Variants in NLGN1 observed in about 807,000 individuals in gnomAD.
NLGN1 encodes neuroligin 1.
Under a neutral mutation model 65.5 loss-of-function variants are expected in NLGN1, and 12 were observed. The observed-to-expected ratio is 0.18, with a 90% CI of 0.12 to 0.30. NLGN1 has a LOEUF of 0.30. Among genes scored for constraint, NLGN1 ranks in the 10% least tolerant of loss-of-function variants. The pLI is 1.00. For missense variants in NLGN1, 750 were observed against 1,007.1 expected, an observed-to-expected ratio of 0.74 and a Z score of 3.46; for synonymous variants, 350 against 359.5, an observed-to-expected ratio of 0.97 and a Z score of 0.30.
intron 4 of NLGN1, among the ~76,000 whole-genome samples, chr3:173,812,179 C>T (rs1718081547): frequency 6.6e-6 from 1 of 152,102 alleles, no homozygotes; most frequent in East Asian, 1.9e-4. Flanking sequence ...ACCACCCGTC[C>T]ATGGAAAAAA....
intron 4 of NLGN1, among the ~76,000 whole-genome samples, chr3:174,016,462 C>G (rs76569339): frequency 6.6e-6 from 1 of 152,094 alleles, no homozygotes; most frequent in East Asian, 1.9e-4. Flanking sequence ...ATTATAATAA[C>G]CACAGGACAC....
At chr3:173,803,595 G>A (rs1486502355) in intron 3 of NLGN1, among the ~76,000 whole-genome samples, 1 of 152,052 alleles carries the variant, frequency 6.6e-6, no homozygotes, top group Non-Finnish European at 1.5e-5. Flanking sequence ...GCCGCAGAAT[G>A]AGATTCTGTC....
chr3:173,645,314 G>A (rs1279951254), intron 3 of NLGN1, among the ~76,000 whole-genome samples: 1 of 152,172 alleles, frequency 6.6e-6, no homozygotes, highest in Non-Finnish European at 1.5e-5. Flanking sequence ...TAGCTCCCTT[G>A]GCCTTTGGGG....
chr3:173,557,213 A>T (rs1387672278), intron 2 of NLGN1, among the ~76,000 whole-genome samples: 2 of 152,200 alleles, frequency 1.3e-5, no homozygotes, highest in South Asian at 2.1e-4. Context: ...ACGAAATGTT[A>T]CTTTTATCTC....
At chr3:173,953,485 A>T (rs901043335) in intron 4 of NLGN1, among the ~76,000 whole-genome samples, 13 of 152,212 alleles carry the variant, frequency 8.5e-5, no homozygotes, top group African/African-American at 2.9e-4. Flanking sequence ...TATCCTGATT[A>T]ATGGTAGACA....
intron 4 of NLGN1, among the ~76,000 whole-genome samples, chr3:174,180,200 A>G (rs111714093): frequency 5.3e-5 from 8 of 152,250 alleles, no homozygotes; most frequent in African/African-American, 1.9e-4. Context: ...TTTAGCCTAC[A>G]TTAGGGAGGT....
intron 4 of NLGN1, among the ~76,000 whole-genome samples, chr3:174,033,610 C>T (rs1397688737): frequency 1.3e-5 from 2 of 151,848 alleles, no homozygotes; most frequent in African/African-American, 4.8e-5. Flanking sequence ...AGTGAAATCT[C>T]TAAGAAAAAA....
chr3:173,552,918 T>C (rs1262611947), intron 2 of NLGN1, among the ~76,000 whole-genome samples: 3 of 152,222 alleles, frequency 2.0e-5, no homozygotes, highest in African/African-American at 7.2e-5. Context: ...AGAAATTCTA[T>C]TTAGATCCTG....
intron 3 of NLGN1, among the ~76,000 whole-genome samples, chr3:173,700,886 G>T (rs1332576353): frequency 6.6e-6 from 1 of 152,194 alleles, no homozygotes; most frequent in Non-Finnish European, 1.5e-5. Flanking sequence ...AGCACTTTGG[G>T]AGGCCGAGGC....
chr3:173,457,702 G>T (rs1490866592), intron 2 of NLGN1, among the ~76,000 whole-genome samples: 3 of 152,192 alleles, frequency 2.0e-5, no homozygotes, highest in Non-Finnish European at 2.9e-5. Flanking sequence ...TAGTGGCTTG[G>T]CCTAAAGTTG....
chr3:173,935,593 T>TAC (rs769538665), intron 4 of NLGN1, among the ~76,000 whole-genome samples: 4,624 of 142,646 alleles, frequency 0.032, 164 homozygotes, highest in African/African-American at 0.088. Context: ...ATATACAGTC[T>TAC]ACACACACAC....
rs149656319 is a variant in NLGN1, at chr3:173,693,317, C to T, written c.493+88226C>T. Among the ~76,000 whole-genome samples, 1,306 of 151,776 alleles carry T rather than the reference C, an allele frequency of 8.6e-3. 14 individuals carry two copies. The highest frequency in any genetic ancestry group is 0.03 in the African/African-American group (1,249 of 41,410). On this transcript the variant is annotated intron_variant, in intron 3 of 6. Transcript: ENST00000457714. ...AGGGACTGAAATAAAATTTACTTAC[C>T]AACTATGGAAAGCAAATACTATTAT...
At chr3:173,810,259 C>G (rs115140349) in intron 4 of NLGN1, among the ~76,000 whole-genome samples, 1 of 152,288 alleles carries the variant, frequency 6.6e-6, no homozygotes, top group Non-Finnish European at 1.5e-5. Context: ...GCTCATCGGA[C>G]AGAACTGCAA....
intron 4 of NLGN1, among the ~76,000 whole-genome samples, chr3:174,054,231 A>G (rs894982506): frequency 6.6e-6 from 1 of 152,054 alleles, no homozygotes; most frequent in Non-Finnish European, 1.5e-5. Flanking sequence ...AGCTCTGAGT[A>G]ACTAAAACAA....
chr3:173,584,040 C>T (rs953037878), intron 2 of NLGN1, among the ~76,000 whole-genome samples: 1 of 150,712 alleles, frequency 6.6e-6, no homozygotes, highest in Non-Finnish European at 1.5e-5. Flanking sequence ...GGCATTTTAG[C>T]TACTAACTGC....
intron 4 of NLGN1, among the ~76,000 whole-genome samples, chr3:174,081,163 C>G (rs746097960): frequency 6.6e-6 from 1 of 151,998 alleles, no homozygotes; most frequent in Non-Finnish European, 1.5e-5. Flanking sequence ...ATAACTTAGA[C>G]AAGAAAAAGT....
chr3:173,569,434 T>C (rs2149325416), intron 2 of NLGN1, among the ~76,000 whole-genome samples: 1 of 152,128 alleles, frequency 6.6e-6, no homozygotes, highest in African/African-American at 2.4e-5. Context: ...TCAAGTTCTA[T>C]CAAAAATCTT....
At chr3:174,000,523 A>T (rs1202424236) in intron 4 of NLGN1, among the ~76,000 whole-genome samples, 1 of 152,184 alleles carries the variant, frequency 6.6e-6, no homozygotes, top group Non-Finnish European at 1.5e-5. Context: ...AAAAGCAGTC[A>T]GTAGGTTTTA....
intron 2 of NLGN1, among the ~76,000 whole-genome samples, chr3:173,438,517 G>A (rs1011709729): frequency 1.3e-5 from 2 of 152,048 alleles, no homozygotes; most frequent in African/African-American, 4.8e-5. Flanking sequence ...TAAACAGTAT[G>A]CAATATAGTG....
Sources: gnomAD v4.1 joint callset for allele counts (sites outside exome capture counted in the v4.1 genomes callset) on GRCh38, gnomAD v4.1.1 for gene constraint, MANE v1.5 for transcripts, NCBI Gene and HGNC (gene_info 2026-07-23, HGNC 2026-07-21) for gene names.